Variants in FOXO3 observed in about 807,000 individuals in gnomAD.
FOXO3 encodes forkhead box protein O3.
FOXO3 carries 4 observed loss-of-function variants against 41.9 expected under a neutral mutation model. The observed-to-expected ratio is 0.10, with a 90% CI of 0.05 to 0.22. The LOEUF (loss-of-function observed/expected upper bound fraction) is 0.22, where lower values mean the gene tolerates loss of function less well. Ranked by LOEUF, FOXO3 falls within the 10% of genes least tolerant of loss-of-function variation. The pLI is 1.00. For missense variants in FOXO3, 534 were observed against 906.8 expected, an observed-to-expected ratio of 0.59 and a Z score of 5.28; for synonymous variants, 318 against 389.3, an observed-to-expected ratio of 0.82 and a Z score of 2.16.
chr6:108,572,115 G>A (rs1776119873), intron 1 of FOXO3, among the ~76,000 whole-genome samples: 1 of 152,088 alleles, frequency 6.6e-6, no homozygotes, highest in African/African-American at 2.4e-5. Context: ...CCTGTTTTGT[G>A]AACTGACAGT....
chr6:108,677,761 T>C (rs1395603885), intron 2 of FOXO3, among the ~76,000 whole-genome samples: 1 of 152,184 alleles, frequency 6.6e-6, no homozygotes, highest in Admixed American at 6.5e-5. Flanking sequence ...TAATCATTCA[T>C]ACTTTGCAGG....
rs975167123 is a variant in FOXO3, at chr6:108,664,954, C to G, written c.*34+65C>G. The G allele has an allele frequency of 2.8e-6, 4 of 1,453,724 alleles. No homozygotes were observed. The African/African-American group carries it at 4.3e-5, about 15-fold the overall frequency. 90.1% of individuals were successfully genotyped at this position (1,453,724 alleles called of 1,614,324 possible). A position where few individuals can be genotyped will look rare whatever the true frequency, so the allele number is the denominator to read the frequency against. ...GGATGAGGGGGGATCTCTGGGGGAG[C>G]CTGTCTTCTCTTTACTTTGAACTTT... On this transcript the variant is annotated intron_variant, in intron 2 of 2. Transcript: ENST00000406360.
intron 1 of FOXO3, among the ~76,000 whole-genome samples, chr6:108,579,663 T>G (rs1200212462): frequency 1.3e-5 from 2 of 152,128 alleles, no homozygotes; most frequent in Non-Finnish European, 2.9e-5. Flanking sequence ...GGGCCTCTGC[T>G]TGCATGTTCT....
intron 1 of FOXO3, among the ~76,000 whole-genome samples, chr6:108,643,602 T>A (rs376714816): frequency 3.9e-5 from 6 of 152,340 alleles, no homozygotes; most frequent in African/African-American, 1.4e-4. Context: ...GGCTGTTCAG[T>A]GGCAACCCAA....
At chr6:108,642,515 A>G (rs1778288298) in intron 1 of FOXO3, among the ~76,000 whole-genome samples, 1 of 152,122 alleles carries the variant, frequency 6.6e-6, no homozygotes, top group Non-Finnish European at 1.5e-5. Flanking sequence ...TAAACAAGAA[A>G]CTACAGAAAA....
intron 1 of FOXO3, among the ~76,000 whole-genome samples, chr6:108,618,672 A>T (rs1404661317): frequency 6.6e-6 from 1 of 152,252 alleles, no homozygotes; most frequent in Admixed American, 6.5e-5. Flanking sequence ...TGGTGGAAAC[A>T]TGAACTATTG....
At chr6:108,595,469 C>T (rs138620608) in intron 1 of FOXO3, among the ~76,000 whole-genome samples, 24 of 152,258 alleles carry the variant, frequency 1.6e-4, no homozygotes, top group African/African-American at 5.5e-4. Context: ...TTTAATAACT[C>T]GGCAAAGGTA....
chr6:108,649,143 A>G (rs143228754), intron 1 of FOXO3, among the ~76,000 whole-genome samples: 2 of 151,716 alleles, frequency 1.3e-5, no homozygotes, highest in African/African-American at 4.8e-5. Context: ...GCAGTAGTCT[A>G]TTTTGCATTG....
chr6:108,567,581 T>G (rs538777760), intron 1 of FOXO3, among the ~76,000 whole-genome samples: 1 of 152,318 alleles, frequency 6.6e-6, no homozygotes, highest in East Asian at 1.9e-4. Flanking sequence ...TGTGAGTGAC[T>G]GGGTTCAGGG....
chr6:108,568,170 C>T (rs966896393), intron 1 of FOXO3, among the ~76,000 whole-genome samples: 3 of 151,710 alleles, frequency 2.0e-5, no homozygotes, highest in Non-Finnish European at 4.4e-5. Flanking sequence ...CACGACTGCA[C>T]CACTGCACTC....
chr6:108,626,471 G>C (rs1777816630), intron 1 of FOXO3, among the ~76,000 whole-genome samples: 2 of 152,212 alleles, frequency 1.3e-5, no homozygotes, highest in Admixed American at 1.3e-4. Context: ...ATGTATCAGA[G>C]AGAGACAGGC....
intron 1 of FOXO3, among the ~76,000 whole-genome samples, chr6:108,631,913 T>C (rs1454671840): frequency 6.6e-6 from 1 of 152,186 alleles, no homozygotes; most frequent in Non-Finnish European, 1.5e-5. Context: ...CCCTCCCCCC[T>C]TTTTCCATGC....
chr6:108,609,085 T>C (rs1777286366), intron 1 of FOXO3, among the ~76,000 whole-genome samples: 2 of 152,200 alleles, frequency 1.3e-5, no homozygotes, highest in African/African-American at 4.8e-5. Flanking sequence ...CCAGAGGACA[T>C]GATGTAGAAG....
chr6:108,573,764 G>A (rs1776179510), intron 1 of FOXO3, among the ~76,000 whole-genome samples: 1 of 151,964 alleles, frequency 6.6e-6, no homozygotes, highest in Non-Finnish European at 1.5e-5. Context: ...GGGAGGTGGA[G>A]GTTGCAGTGA....
At chr6:108,615,352 GA>G (rs1777465540) in intron 1 of FOXO3, among the ~76,000 whole-genome samples, 1 of 151,970 alleles carries the variant, frequency 6.6e-6, no homozygotes, top group Non-Finnish European at 1.5e-5. Flanking sequence ...CTTCGTTTTT[GA>G]AAGACACTTT....
At chr6:108,657,035 C>T (rs1225076488) in intron 1 of FOXO3, among the ~76,000 whole-genome samples, 2 of 152,166 alleles carry the variant, frequency 1.3e-5, no homozygotes, top group East Asian at 3.9e-4. Flanking sequence ...TTGCACCTGC[C>T]TCCTGGAAGG....
At chr6:108,570,349 T>C (rs1776064941) in intron 1 of FOXO3, among the ~76,000 whole-genome samples, 1 of 152,140 alleles carries the variant, frequency 6.6e-6, no homozygotes, top group African/African-American at 2.4e-5. Context: ...GGCCTTGCTC[T>C]GTCACCTAGG....
chr6:108,608,831 C>CT (rs533298274), intron 1 of FOXO3, among the ~76,000 whole-genome samples: 15 of 152,306 alleles, frequency 9.8e-5, no homozygotes, highest in African/African-American at 3.4e-4. Context: ...GAAAGCTTAA[C>CT]TTTATTTTTC....
intron 1 of FOXO3, among the ~76,000 whole-genome samples, chr6:108,633,389 C>T (rs1778028439): frequency 6.6e-6 from 1 of 151,476 alleles, no homozygotes; most frequent in African/African-American, 2.4e-5. Flanking sequence ...GTCTTATCTG[C>T]TGATTTAAAA....
Sources: gnomAD v4.1 joint callset for allele counts (sites outside exome capture counted in the v4.1 genomes callset) on GRCh38, gnomAD v4.1.1 for gene constraint, MANE v1.5 for transcripts, NCBI Gene and HGNC (gene_info 2026-07-23, HGNC 2026-07-21) for gene names.